SYT14: variants seen among roughly 807,000 people sequenced by gnomAD.
The protein encoded by SYT14 is synaptotagmin 14.
SYT14 carries 32 observed loss-of-function variants against 74.2 expected under a neutral mutation model. That is an observed-to-expected ratio of 0.43 (90% CI 0.33 to 0.58). The LOEUF is 0.58. SYT14 is among the 20% of genes least tolerant of loss of function. The pLI, the probability that SYT14 is intolerant of heterozygous loss-of-function variation, is 0.05. For synonymous variants in SYT14, 298 were observed against 337.7 expected (o/e 0.88, Z 1.29); for missense variants, 791 against 981.8 (o/e 0.81, Z 2.60).
At chr1:210,003,030 A>G (rs1291300857) in intron 2 of SYT14, among the ~76,000 whole-genome samples, 2 of 152,278 alleles carry the variant, frequency 1.3e-5, no homozygotes, top group East Asian at 3.9e-4. Context: ...ATCATGAAGA[A>G]AAGTATTTGT....
At chr1:210,009,580 A>G (rs227217) in intron 2 of SYT14, among the ~76,000 whole-genome samples, 52,421 of 151,752 alleles carry the variant, frequency 0.35, 9,970 homozygotes, top group Non-Finnish European at 0.42. Flanking sequence ...TTTACCATTA[A>G]TAAAGCCTGG....
At chr1:210,138,314 C>T (rs1270947805) in intron 7 of SYT14, among the ~76,000 whole-genome samples, 1 of 152,146 alleles carries the variant, frequency 6.6e-6, no homozygotes, top group Non-Finnish European at 1.5e-5. Context: ...TATTTACTAT[C>T]AAGAGAACAG....
intron 1 of SYT14, among the ~76,000 whole-genome samples, chr1:209,946,301 G>A (rs2078822503): frequency 1.3e-5 from 2 of 152,350 alleles, no homozygotes; most frequent in African/African-American, 4.8e-5. Flanking sequence ...CATGTTAAAA[G>A]CTGAGACTGG....
intron 2 of SYT14, among the ~76,000 whole-genome samples, chr1:209,972,553 T>C (rs1453773017): frequency 1.3e-5 from 2 of 152,152 alleles, no homozygotes; most frequent in African/African-American, 2.4e-5. Context: ...GTGTCTCTGT[T>C]TTCATTTATT....
chr1:209,974,849 G>A (rs866159995), intron 2 of SYT14, among the ~76,000 whole-genome samples: 1 of 152,128 alleles, frequency 6.6e-6, no homozygotes, highest in Non-Finnish European at 1.5e-5. Context: ...TATGAGCATG[G>A]AATGTTCTTC....
At chr1:210,133,933 C>G (rs1322227462) in intron 7 of SYT14, among the ~76,000 whole-genome samples, 1 of 148,850 alleles carries the variant, frequency 6.7e-6, no homozygotes, top group Non-Finnish European at 1.5e-5. Flanking sequence ...AGTTGGCATT[C>G]CAAAGTAGGG....
chr1:210,107,006 TC>T (rs1343103356), intron 7 of SYT14, among the ~76,000 whole-genome samples: 1 of 152,182 alleles, frequency 6.6e-6, no homozygotes, highest in African/African-American at 2.4e-5. Context: ...ATACACCTGT[TC>T]CAAGTGGGAG....
Position 210,021,023 on chromosome 1 carries a change from A to T in SYT14, c.1097-16A>T. Reference sequence around the variant, plus strand: ...TTTTTTCAATTACCGTTTGTTCTTCATGTCATTCCAAATAGATAATTCCTA... The same window carrying T: ...TTTTTTCAATTACCGTTTGTTCTTCTTGTCATTCCAAATAGATAATTCCTA... On this transcript the variant is annotated splice_polypyrimidine_tract_variant and intron_variant, in intron 4 of 9. Coordinates refer to ENST00000637265, the Ensembl canonical transcript of SYT14. The T allele has an allele frequency of 6.2e-7, 1 of 1,612,232 alleles. No homozygotes were observed. Among genetic ancestry groups the T allele is most frequent in the Admixed American group, 1.7e-5 (1 of 59,996 alleles).
At chr1:210,024,194 T>C (rs1047887675) in intron 5 of SYT14, among the ~76,000 whole-genome samples, 3 of 152,216 alleles carry the variant, frequency 2.0e-5, no homozygotes, top group African/African-American at 7.2e-5. Flanking sequence ...AGTGAGAATT[T>C]GCTGAAAAGT....
exon 5 of SYT14, chr1:210,021,177 C>T (rs781282389): frequency 8.7e-6 from 14 of 1,613,980 alleles, no homozygotes; most frequent in Non-Finnish European, 1.0e-5. Flanking sequence ...AGGAACTATG[C>T]TTGGGAAACA....
chr1:210,067,430 A>T (rs1306543112), intron 5 of SYT14, among the ~76,000 whole-genome samples: 1 of 151,966 alleles, frequency 6.6e-6, no homozygotes, highest in Non-Finnish European at 1.5e-5. Flanking sequence ...CATGAACATG[A>T]GATGTTTGTC....
intron 2 of SYT14, among the ~76,000 whole-genome samples, chr1:210,009,821 T>C (rs1246303695): frequency 6.6e-6 from 1 of 152,196 alleles, no homozygotes; most frequent in African/African-American, 2.4e-5. Flanking sequence ...TTTCCTCCCA[T>C]GCTCTAATCC....
In SYT14 at chr1:210,146,863, A is replaced by G. The variant is rs148817512; in HGVS notation, c.2035-8858A>G. Among the ~76,000 whole-genome samples the G allele has an allele frequency of 2.8e-4, 42 of 151,696 alleles. No individual in the cohort carries two copies. The East Asian group carries it at 7.7e-3, about 28-fold the overall frequency. On this transcript the variant is annotated intron_variant, in intron 7 of 9. Transcript: ENST00000637265. Reference sequence around the variant, plus strand: ...TATGTATGTACTACATATATACTATATGTATGTAGTATATATGGTCTCAGG... The same window carrying G: ...TATGTATGTACTACATATATACTATGTGTATGTAGTATATATGGTCTCAGG...
intron 5 of SYT14, among the ~76,000 whole-genome samples, chr1:210,054,891 A>C (rs1572221793): frequency 6.6e-6 from 1 of 152,294 alleles, no homozygotes; most frequent in South Asian, 2.1e-4. Context: ...GGGAGTGCTT[A>C]TCCCTGTTTC....
intron 7 of SYT14, among the ~76,000 whole-genome samples, chr1:210,137,838 G>A (rs1377289159): frequency 1.3e-5 from 2 of 151,890 alleles, no homozygotes; most frequent in Non-Finnish European, 1.5e-5. Flanking sequence ...GCGCCACCAC[G>A]CCCAGCTAAT....
intron 2 of SYT14, among the ~76,000 whole-genome samples, chr1:209,956,641 A>G (rs1334704764): frequency 1.3e-5 from 2 of 152,186 alleles, no homozygotes; most frequent in Non-Finnish European, 2.9e-5. Flanking sequence ...GAGCCCAAGA[A>G]GTACAGCAAC....
intron 5 of SYT14, among the ~76,000 whole-genome samples, chr1:210,047,814 G>A (rs908131897): frequency 1.3e-5 from 2 of 152,162 alleles, no homozygotes; most frequent in Non-Finnish European, 2.9e-5. Context: ...CTCAAGAATT[G>A]GGAATCCAAG....
rs938407897 is a variant in SYT14 at position 210,150,041 on chromosome 1, G to A, written c.2035-5680G>A. Reference sequence around the variant, plus strand: ...ACCTGCCCCTGTATTATGCTGAAGCGGACTTTATTGCAAAGCCCTAGAATT... The same window carrying A: ...ACCTGCCCCTGTATTATGCTGAAGCAGACTTTATTGCAAAGCCCTAGAATT... On this transcript the variant is annotated intron_variant, in intron 7 of 9. Coordinates refer to ENST00000637265, the Ensembl canonical transcript of SYT14. Among the ~76,000 whole-genome samples the A allele has an allele frequency of 7.2e-5, 11 of 152,218 alleles. No individual in the cohort carries two copies. In the East Asian group the frequency reaches 1.2e-3, roughly 16 times the overall value.
intron 2 of SYT14, among the ~76,000 whole-genome samples, chr1:210,000,590 T>G (rs1247883069): frequency 6.6e-6 from 1 of 150,788 alleles, no homozygotes; most frequent in African/African-American, 2.4e-5. Context: ...CCTCCTACTT[T>G]CATTAGGGCT....
Sources: allele counts gnomAD v4.1 joint callset (sites outside exome capture counted in the v4.1 genomes callset), GRCh38; gene constraint gnomAD v4.1.1; transcripts MANE v1.5; gene names NCBI Gene and HGNC (gene_info 2026-07-23, HGNC 2026-07-21).